The following ZNF521 variants were observed in gnomAD, a reference collection of about 807,000 sequenced individuals.
The protein encoded by ZNF521 is zinc finger protein 521, also known as LYST-interacting protein 3.
In ZNF521, 14 loss-of-function variants were observed where a neutral mutation model predicts 105.5. The observed-to-expected ratio is 0.13, with a 90% CI of 0.09 to 0.21. ZNF521 has a LOEUF of 0.21. Ranked by LOEUF, ZNF521 falls within the 10% of genes least tolerant of loss-of-function variation. The probability of loss-of-function intolerance (pLI) is 1.00; values close to 1 mark genes in which losing one functional copy is unlikely to be tolerated. For synonymous variants in ZNF521, 635 were observed against 606.0 expected, an observed-to-expected ratio of 1.05 and a Z score of -0.70; for missense variants, 1,233 against 1,629.7, an observed-to-expected ratio of 0.76 and a Z score of 4.19.
chr18:25,326,584 G>GC (rs1321842286), intron 2 of ZNF521, among the ~76,000 whole-genome samples: 1 of 152,136 alleles, frequency 6.6e-6, no homozygotes, highest in African/African-American at 2.4e-5. Context: ...AATGGTAAGA[G>GC]CCAGAGCCTA....
intron 5 of ZNF521, among the ~76,000 whole-genome samples, chr18:25,182,478 T>C (rs1388291106): frequency 6.6e-6 from 1 of 152,230 alleles, no homozygotes; most frequent in Non-Finnish European, 1.5e-5. Context: ...AAGCATTGCA[T>C]ATTAAACACA....
At chr18:25,339,135 C>A (rs1311311760) in intron 2 of ZNF521, among the ~76,000 whole-genome samples, 2 of 152,154 alleles carry the variant, frequency 1.3e-5, no homozygotes, top group Non-Finnish European at 2.9e-5. Context: ...TTTGTGTGAA[C>A]TGAAAGAACA....
intron 2 of ZNF521, among the ~76,000 whole-genome samples, chr18:25,329,595 C>G (rs553011687): frequency 4.6e-5 from 7 of 152,238 alleles, no homozygotes; most frequent in Admixed American, 4.6e-4. Flanking sequence ...TGTTGCTATT[C>G]AAAATGGGGG....
intron 5 of ZNF521, among the ~76,000 whole-genome samples, chr18:25,143,100 ACTTTGAAAT>A (rs991504331): frequency 1.4e-4 from 21 of 152,256 alleles, no homozygotes; most frequent in South Asian, 8.3e-4. Context: ...GCTCCGCAAA[ACTTTGAAAT>A]AACACATCTA....
intron 3 of ZNF521, among the ~76,000 whole-genome samples, chr18:25,260,597 A>G (rs971618444): frequency 6.6e-6 from 1 of 152,288 alleles, no homozygotes. Flanking sequence ...GTAAATTATT[A>G]TTACTATTGC....
At position 25,078,514 on chromosome 18, in the gene ZNF521, C is replaced by T. The variant is rs181576647; in HGVS notation, c.3906+10951G>A. 2.8e-3 allele frequency among the ~76,000 whole-genome samples: 427 copies of T among 152,286 alleles called. 5 individuals carry two copies. Among genetic ancestry groups the T allele is most frequent in the African/African-American group, 9.8e-3 (407 of 41,548 alleles). On this transcript the variant is annotated intron_variant, in intron 7 of 7. Transcript: ENST00000361524. ...GACCGTGAGCCAATTACACGCGAGG[C>T]AGAATTATGCGTGGGTGCTGCTGTC... is the stretch of plus-strand genomic sequence containing the variant.
intron 3 of ZNF521, among the ~76,000 whole-genome samples, chr18:25,279,934 G>C (rs373828552): frequency 6.6e-6 from 1 of 152,128 alleles, no homozygotes; most frequent in Non-Finnish European, 1.5e-5. Flanking sequence ...AGGCTTTTAT[G>C]GTCTAGCATT....
intron 3 of ZNF521, among the ~76,000 whole-genome samples, chr18:25,257,821 G>A (rs74912829): frequency 0.015 from 2,306 of 152,264 alleles, 53 homozygotes; most frequent in East Asian, 0.082. Flanking sequence ...CTTGGGAAGA[G>A]GTCCATATCC....
chr18:25,283,536 C>G (rs1910509997), intron 3 of ZNF521, among the ~76,000 whole-genome samples: 1 of 152,100 alleles, frequency 6.6e-6, no homozygotes, highest in Non-Finnish European at 1.5e-5. Flanking sequence ...CCAACTATAC[C>G]CCCTCCAAGT....
chr18:25,155,424 T>C (rs2035125755), intron 5 of ZNF521, among the ~76,000 whole-genome samples: 1 of 152,186 alleles, frequency 6.6e-6, no homozygotes, highest in Non-Finnish European at 1.5e-5. Context: ...TAGTTTGATG[T>C]AGCCCTATTT....
chr18:25,212,192 A>T (rs539777456), intron 4 of ZNF521, among the ~76,000 whole-genome samples: 1 of 152,208 alleles, frequency 6.6e-6, no homozygotes, highest in Non-Finnish European at 1.5e-5. Context: ...CTGCTTATCA[A>T]GTTCCAAAAT....
chr18:25,067,682 T>TG (rs2033104958), intron 7 of ZNF521, among the ~76,000 whole-genome samples: 19 of 152,350 alleles, frequency 1.2e-4, no homozygotes, highest in Admixed American at 1.2e-3. Flanking sequence ...TTTTTGCACC[T>TG]ACATCAATGA....
Position 25,226,800 on chromosome 18 carries a change from G to A in ZNF521, c.1118C>T (p.Ala373Val), listed in dbSNP as rs376974502. The A allele has an allele frequency of 2.5e-6, 4 of 1,613,918 alleles. No homozygotes were observed. In the African/African-American group the frequency reaches 4.0e-5, roughly 16 times the overall value. ...LSVDSSTMVE[A>V]APPIPKSRGR... ...TCGACTCTTTGGGATTGGCGGGGCA[G>A]CTTCCACCATGGTTGAGCTGTCCAC... Residue 373 changes from alanine to valine, a missense_variant, in exon 4 of 8, where the codon GCT becomes GTT. Ala to Val is a moderately conservative substitution (Grantham distance 64, BLOSUM62 0). This residue lies in a region of ZNF521 where 380 missense variants were observed against 478.0 expected (regional missense o/e 0.80). Transcript: ENST00000361524. This position sits in a 1 kb window ranked among gnomAD's most constrained non-coding sequence, Gnocchi z 4.1.
intron 5 of ZNF521, among the ~76,000 whole-genome samples, chr18:25,127,285 T>C (rs1490610439): frequency 6.6e-6 from 1 of 151,978 alleles, no homozygotes; most frequent in East Asian, 1.9e-4. Flanking sequence ...GTGACAGTAG[T>C]AGGACAAGAT....
chr18:25,169,572 A>G (rs751800257), intron 5 of ZNF521, among the ~76,000 whole-genome samples: 2 of 152,210 alleles, frequency 1.3e-5, no homozygotes, highest in Non-Finnish European at 2.9e-5. Context: ...AAATAATTAA[A>G]TACCATCCCT....
At chr18:25,194,803 A>G (rs2035876272) in intron 5 of ZNF521, among the ~76,000 whole-genome samples, 2 of 151,736 alleles carry the variant, frequency 1.3e-5, no homozygotes, top group African/African-American at 2.4e-5. Flanking sequence ...CATTACCATA[A>G]TAACTTCTGA....
chr18:25,275,420 G>A (rs1909965485), intron 3 of ZNF521, among the ~76,000 whole-genome samples: 1 of 152,128 alleles, frequency 6.6e-6, no homozygotes, highest in Non-Finnish European at 1.5e-5. Context: ...GTGAACAAAT[G>A]AAAACGAATG....
At chr18:25,191,508 G>C (rs555621198) in intron 5 of ZNF521, among the ~76,000 whole-genome samples, 3 of 152,180 alleles carry the variant, frequency 2.0e-5, no homozygotes, top group South Asian at 4.1e-4. Flanking sequence ...GTTTGTGGCT[G>C]TTTGGAACAC....
chr18:25,187,437 A>C (rs1264390979), intron 5 of ZNF521, among the ~76,000 whole-genome samples: 1 of 150,656 alleles, frequency 6.6e-6, no homozygotes, highest in South Asian at 2.1e-4. Flanking sequence ...TTTTTTTTTT[A>C]ATTCTGTTGT....
Sources: gnomAD v4.1 joint callset for allele counts (sites outside exome capture counted in the v4.1 genomes callset) on GRCh38, gnomAD v4.1.1 for gene constraint, gnomAD v4.1.1 regional missense constraint, Gnocchi (gnomAD v3.1) non-coding constraint, MANE v1.5 for transcripts, NCBI Gene and HGNC (gene_info 2026-07-23, HGNC 2026-07-21) for gene names.